The following USH2A variants were observed in gnomAD, a reference collection of about 807,000 sequenced individuals.
The protein encoded by USH2A is Usher syndrome 2A (autosomal recessive, mild).
A neutral mutation model predicts 538.9 loss-of-function variants in USH2A; 443 were observed. The ratio of observed to expected loss-of-function variants is 0.82; its 90% CI spans 0.76 to 0.89. USH2A has a LOEUF of 0.89. Ranked by LOEUF, USH2A falls within the 40% of genes least tolerant of loss-of-function variation. The pLI is 0.00. For missense variants in USH2A, 6,633 were observed against 6,324.8 expected (o/e 1.05, Z -1.65); for synonymous variants, 2,413 against 2,273.5 (o/e 1.06, Z -1.75).
intron 49 of USH2A, among the ~76,000 whole-genome samples, chr1:215,806,236 T>G (rs975666679): frequency 6.6e-6 from 1 of 152,154 alleles, no homozygotes; most frequent in Non-Finnish European, 1.5e-5. Flanking sequence ...TCTGCCTTTA[T>G]TTTTCTTTTC....
chr1:216,144,372 G>T (rs563562163), intron 21 of USH2A, among the ~76,000 whole-genome samples: 1 of 151,726 alleles, frequency 6.6e-6, no homozygotes, highest in East Asian at 1.9e-4. Context: ...CTTGGAAAAT[G>T]TCCTTTTAGT....
intron 16 of USH2A, chr1:216,204,435 CAA>C (rs2035067413): frequency 6.6e-6 from 1 of 151,356 alleles, no homozygotes; most frequent in Non-Finnish European, 1.5e-5. Flanking sequence ...ATTATAATAA[CAA>C]ATAATTTGAA....
intron 21 of USH2A, among the ~76,000 whole-genome samples, chr1:216,152,761 G>A (rs2102621521): frequency 6.6e-6 from 1 of 152,264 alleles, no homozygotes; most frequent in South Asian, 2.1e-4. Context: ...GTAGAAGAGG[G>A]CAGTTCCCTG....
chr1:215,811,652 A>C (rs1287707828), intron 49 of USH2A, among the ~76,000 whole-genome samples: 6 of 152,070 alleles, frequency 3.9e-5, no homozygotes, highest in Non-Finnish European at 5.9e-5. Context: ...TCACACCTGT[A>C]ATCCCAGCAC....
chr1:215,813,775 G>C lies in USH2A; in HGVS notation c.9700C>G (p.His3234Asp). ...GCGTAATACCCAGAGCAGCACTGAT[G>C]ATTTGGTTGTGCCTCCTGTATTCGG... is the stretch of plus-strand genomic sequence containing the variant. ...GGRIQEAQPNHQCCSGYYARI... is the reference protein window; with the variant it reads ...GGRIQEAQPNDQCCSGYYARI... Residue 3234 changes from histidine (H) to aspartate (D), a missense_variant, in exon 49 of 72, where the codon CAT becomes GAT. Physicochemically the swap from His to Asp is moderately conservative, Grantham distance 81 (BLOSUM62 -1). Transcript: ENST00000307340. 1 of 1,613,910 alleles carries C rather than the reference G, an allele frequency of 6.2e-7. No homozygotes were observed. The highest frequency in any genetic ancestry group is 8.5e-7 in the Non-Finnish European group (1 of 1,179,866).
chr1:216,030,676 T>TCAA (rs914522765), intron 32 of USH2A, among the ~76,000 whole-genome samples: 1 of 148,526 alleles, frequency 6.7e-6, no homozygotes, highest in African/African-American at 2.4e-5. Context: ...ACACTGATAA[T>TCAA]ATCAAATATA....
intron 3 of USH2A, among the ~76,000 whole-genome samples, chr1:216,392,723 A>G (rs1476246843): frequency 1.3e-5 from 2 of 152,188 alleles, no homozygotes; most frequent in Admixed American, 6.5e-5. Flanking sequence ...GGTTAATAAC[A>G]TATATAATAT....
chr1:215,674,019 T>A, intron 63 of USH2A, 81 bp downstream of exon 63: 1 of 1,612,282 alleles, frequency 6.2e-7, no homozygotes, highest in Non-Finnish European at 8.5e-7. Flanking sequence ...TTTAGAGTCT[T>A]CATTAGAACT....
intron 47 of USH2A, among the ~76,000 whole-genome samples, chr1:215,824,410 T>C (rs1663099142): frequency 6.6e-6 from 1 of 152,062 alleles, no homozygotes. Context: ...CACTAGATGG[T>C]GCCTCAGGTC....
chr1:216,329,569 C>T (rs2037813026), intron 4 of USH2A, among the ~76,000 whole-genome samples: 1 of 152,070 alleles, frequency 6.6e-6, no homozygotes, highest in Non-Finnish European at 1.5e-5. Context: ...TCAACTATCC[C>T]TAACCATGCT....
chr1:215,868,197 A>T (rs1298786106), intron 43 of USH2A, among the ~76,000 whole-genome samples: 1 of 152,200 alleles, frequency 6.6e-6, no homozygotes, highest in Non-Finnish European at 1.5e-5. Context: ...TGATTTGACG[A>T]TGCAAAGGTG....
At chr1:216,337,932 C>A (rs2038004037) in intron 4 of USH2A, among the ~76,000 whole-genome samples, 2 of 150,680 alleles carry the variant, frequency 1.3e-5, no homozygotes, top group Admixed American at 1.3e-4. Context: ...CCTTGAGATA[C>A]CTAGGAATAA....
At chr1:216,213,657 T>C (rs963042908) in intron 15 of USH2A, among the ~76,000 whole-genome samples, 15 of 152,004 alleles carry the variant, frequency 9.9e-5, no homozygotes, top group African/African-American at 3.4e-4. Flanking sequence ...GGAGAATTTT[T>C]TTTTTTCACA....
chr1:216,190,918 T>G (rs999741150), intron 19 of USH2A, among the ~76,000 whole-genome samples: 8 of 152,110 alleles, frequency 5.3e-5, no homozygotes, highest in Middle Eastern at 3.2e-3. Flanking sequence ...TCAATCATCT[T>G]TCTTATATAA....
intron 11 of USH2A, among the ~76,000 whole-genome samples, chr1:216,262,361 A>T (rs2036390884): frequency 1.3e-5 from 2 of 152,160 alleles, no homozygotes; most frequent in African/African-American, 4.8e-5. Context: ...AAATTCAACA[A>T]GAAATTGGTA....
At chr1:216,335,533 T>C (rs1012560893) in intron 4 of USH2A, among the ~76,000 whole-genome samples, 5 of 151,488 alleles carry the variant, frequency 3.3e-5, no homozygotes, top group African/African-American at 1.2e-4. Flanking sequence ...AACATTCAAC[T>C]AGACTAGCCA....
intron 23 of USH2A, among the ~76,000 whole-genome samples, chr1:216,087,450 C>A (rs2032169705): frequency 6.6e-6 from 1 of 152,100 alleles, no homozygotes; most frequent in Non-Finnish European, 1.5e-5. Flanking sequence ...CAGTCATGCA[C>A]TCCCTGGTTT....
Position 216,323,538 on chromosome 1 carries a change from T to C in USH2A, c.1486A>G (p.Thr496Ala). 1 of 1,613,558 alleles carries C rather than the reference T, an allele frequency of 6.2e-7. No homozygotes were observed. Among genetic ancestry groups the C allele is most frequent in the Non-Finnish European group, 8.5e-7 (1 of 1,179,730 alleles). The change falls in exon 8 of 72, where the codon ACT (threonine) becomes GCT (alanine). Residue 496 changes from threonine to alanine, a missense_variant. Coordinates refer to ENST00000307340, the MANE Select transcript of USH2A (RefSeq NM_206933.4). The part of the protein sequence containing the change: ...RFHFHGQYYT[T>A]ETAVNLRHRY... ...TGTCTGAGGTTAACAGCAGTCTCAG[T>C]TGTATAGTACTGCCCATGAAAATGA...
chr1:215,791,672 T>G (rs1661985901), intron 50 of USH2A, among the ~76,000 whole-genome samples: 1 of 152,242 alleles, frequency 6.6e-6, no homozygotes, highest in South Asian at 2.1e-4. Flanking sequence ...GCTATATTTA[T>G]AATTTTAGTG....
Sources: allele counts gnomAD v4.1 joint callset (sites outside exome capture counted in the v4.1 genomes callset), GRCh38; gene constraint gnomAD v4.1.1; transcripts MANE v1.5; gene names NCBI Gene and HGNC (gene_info 2026-07-23, HGNC 2026-07-21).